The following IL31RA variants were observed in gnomAD, a reference collection of about 807,000 sequenced individuals.
The protein encoded by IL31RA is interleukin 31 receptor A.
IL31RA carries 66 observed loss-of-function variants against 83.7 expected under a neutral mutation model. The ratio of observed to expected loss-of-function variants is 0.79; its 90% CI spans 0.65 to 0.97. The LOEUF (loss-of-function observed/expected upper bound fraction) is 0.97. Among genes scored for constraint, IL31RA ranks in the 50% least tolerant of loss-of-function variants. The pLI, the probability that IL31RA is intolerant of heterozygous loss-of-function variation, is 0.00. For synonymous variants in IL31RA, 325 were observed against 329.0 expected (o/e 0.99, Z 0.13); for missense variants, 798 against 919.4 (o/e 0.87, Z 1.71).
At chr5:55,908,827 A>T in intron 11 of IL31RA, 1 of 1,387,934 alleles carries the variant, frequency 7.2e-7, no homozygotes, top group Non-Finnish European at 9.3e-7. Flanking sequence ...ATCTCCTGAC[A>T]TCTTAAATAC....
rs183837888 is a variant in IL31RA at position 55,870,762 on chromosome 5, G to T, written c.273-1508G>T. Among the ~76,000 whole-genome samples, 744 of 152,296 alleles carry T rather than the reference G, an allele frequency of 4.9e-3. 4 individuals carry two copies. The highest frequency in any genetic ancestry group is 8.7e-3 in the Non-Finnish European group (592 of 68,024). On this transcript the variant is annotated intron_variant, in intron 3 of 14. Transcript: ENST00000652347. ...AGCAAAGTGGAAGGGTTTCCCTGTG[G>T]ATGGCCTACCTGGGAGCACTTTTCA...
rs145909797 is a variant in IL31RA, at chr5:55,913,415, C to T, written c.1643-62C>T. On this transcript the variant is annotated intron_variant, in intron 12 of 14. Transcript: ENST00000652347. ...GAAGCTACTAGAAGAAAAAGTTAAT[C>T]ATTGATTTTTGTCAAGAAGGTGAGG... is the stretch of plus-strand genomic sequence containing the variant. 856 of 1,008,268 alleles carry T rather than the reference C, an allele frequency of 8.5e-4. 6 individuals carry two copies. The Middle Eastern group carries it at 0.012, about 15-fold the overall frequency. The allele number at this position is 1,008,268 out of a possible 1,614,324, so 62.5% of individuals were successfully genotyped here.
chr5:55,916,754 CT>C lies in IL31RA; in HGVS notation c.1932del (p.Phe644LeufsTer21). On this transcript the variant is annotated frameshift_variant, in exon 15 of 15. Transcript: ENST00000652347. LOFTEE classifies it low-confidence loss of function (END_TRUNC). ...KLVIDKLVVN[F>X]GNVLQEIFTD... ...TGGTGATTGACAAGTTGGTGGTGAACTTTGGGAATGTTCTGCAAGAAATTTT... is the reference window on the plus strand; with the variant it reads ...TGGTGATTGACAAGTTGGTGGTGAACTTGGGAATGTTCTGCAAGAAATTTT... 1 of 1,614,120 alleles carries C rather than the reference CT, an allele frequency of 6.2e-7. No homozygotes were observed. Among genetic ancestry groups the C allele is most frequent in the Non-Finnish European group, 8.5e-7 (1 of 1,180,016 alleles).
chr5:55,867,199 T>TGTGTGTTTG (rs1561543285), intron 2 of IL31RA, among the ~76,000 whole-genome samples: 3 of 106,672 alleles, frequency 2.8e-5, no homozygotes, highest in African/African-American at 4.3e-5. Context: ...TTGTGTGTGT[T>TGTGTGTTTG]TGTGTGTGTG....
At chr5:55,874,535 C>T (rs1177873815) in intron 4 of IL31RA, among the ~76,000 whole-genome samples, 18 of 152,008 alleles carry the variant, frequency 1.2e-4, no homozygotes, top group Non-Finnish European at 1.5e-5. Context: ...ATTTAGGCTG[C>T]CTTCAGTTTC....
chr5:55,909,602 A>T (rs1014056350), intron 11 of IL31RA, among the ~76,000 whole-genome samples: 1 of 151,932 alleles, frequency 6.6e-6, no homozygotes. Context: ...AAAAATTATT[A>T]TGGCTGTCCT....
chr5:55,895,809 T>C (rs1748297906), intron 6 of IL31RA, among the ~76,000 whole-genome samples: 1 of 152,246 alleles, frequency 6.6e-6, no homozygotes, highest in Admixed American at 6.5e-5. Context: ...GTGATTCTTT[T>C]TTATTTTGGG....
chr5:55,922,442 A>G lies in IL31RA; in HGVS notation c.*5322A>G. On this transcript the variant is annotated 3_prime_UTR_variant, in exon 15 of 15. Transcript: ENST00000652347. ...CCCAACTTCAATATAAGTGTGGACT[A>G]AAATGCGAGAAAGGTGTCCTGTGGT... 6.5e-7 allele frequency: 1 copy of G among 1,549,486 alleles called. No homozygotes were observed. The highest frequency in any genetic ancestry group is 1.2e-5 in the South Asian group (1 of 84,004).
chr5:55,853,057 T>G (rs1202194338), intron 1 of IL31RA, among the ~76,000 whole-genome samples: 1 of 152,214 alleles, frequency 6.6e-6, no homozygotes, highest in Non-Finnish European at 1.5e-5. Context: ...TAGACGTAAA[T>G]AAGAATTTGT....
intron 2 of IL31RA, among the ~76,000 whole-genome samples, chr5:55,868,235 G>C (rs570658534): frequency 6.6e-6 from 1 of 152,216 alleles, no homozygotes; most frequent in South Asian, 2.1e-4. Flanking sequence ...TGTTCTAGAT[G>C]GTAGTATCTG....
intron 2 of IL31RA, among the ~76,000 whole-genome samples, chr5:55,863,866 T>C (rs1745838997): frequency 6.6e-6 from 1 of 152,168 alleles, no homozygotes. Context: ...TGGCTTCTCA[T>C]ATATGTTAAC....
chr5:55,868,478 C>T (rs913606525), intron 2 of IL31RA, among the ~76,000 whole-genome samples: 2 of 152,118 alleles, frequency 1.3e-5, no homozygotes, highest in Non-Finnish European at 2.9e-5. Context: ...TGATGCTTTA[C>T]TGAGTATATC....
At chr5:55,908,539 T>C (rs1032062075) in intron 11 of IL31RA, 128 bp downstream of exon 11, 1 of 1,586,630 alleles carries the variant, frequency 6.3e-7, no homozygotes, top group East Asian at 2.3e-5. Flanking sequence ...ACTTAGCTTC[T>C]TTAAATCTCT....
intron 2 of IL31RA, among the ~76,000 whole-genome samples, chr5:55,867,122 TTTGTGTGTGTGTGC>T (rs1746121527): frequency 5.4e-5 from 7 of 130,838 alleles, no homozygotes; most frequent in Non-Finnish European, 8.4e-5. Flanking sequence ...CATGTGTGTG[TTTGTGTGTGTGTGC>T]ATGTGTGTGT....
chr5:55,865,441 A>G (rs773214935), intron 2 of IL31RA, among the ~76,000 whole-genome samples: 6 of 152,186 alleles, frequency 3.9e-5, no homozygotes, highest in South Asian at 2.1e-4. Flanking sequence ...TGTCATTCTC[A>G]GTGGCTCCTT....
intron 12 of IL31RA, 84 bp from the exon 13 acceptor site, chr5:55,913,393 G>A: frequency 1.2e-6 from 1 of 854,474 alleles, no homozygotes; most frequent in Non-Finnish European, 2.0e-6. Context: ...TGTTGCTGAA[G>A]CTACTAGAAG....
At position 55,896,362 on chromosome 5, in the gene IL31RA, TG is replaced by T; in HGVS notation, c.787del (p.Glu263AsnfsTer6). On this transcript the variant is annotated frameshift_variant, in exon 7 of 15. Coordinates refer to ENST00000652347, the MANE Select transcript of IL31RA (RefSeq NM_139017.7). LOFTEE classifies it high-confidence loss of function. ...TTGTTCCTTACAGCTCCATGTGGCC[TG>T]GAACTGTGGAGAGTCCTGAAACCAG... is the stretch of plus-strand genomic sequence containing the variant. The part of the protein sequence containing the change: ...GMTEEEAPCG[L>X]ELWRVLKPAE... 2 of 1,612,854 alleles carry T rather than the reference TG, an allele frequency of 1.2e-6. No individual in the cohort carries two copies. The highest frequency in any genetic ancestry group is 1.7e-6 in the Non-Finnish European group (2 of 1,178,896).
Position 55,900,121 on chromosome 5 carries a change from T to C in IL31RA, c.1058T>C (p.Ile353Thr). Residue 353 changes from isoleucine to threonine, a missense_variant, in exon 8 of 15, where the codon ATT becomes ACT. Transcript: ENST00000652347. ...SPVATLRIPA[I>T]QEKSFQCIEV... ...GTGGCCACCCTGAGGATTCCAGCTA[T>C]TCAAGAAAAATGTAAGTAGAGCATC... 6.2e-7 allele frequency: 1 copy of C among 1,612,446 alleles called. No individual in the cohort carries two copies. The highest frequency in any genetic ancestry group is 1.1e-5 in the South Asian group (1 of 91,032).
chr5:55,847,713 A>T (rs1009669879), upstream of IL31RA, among the ~76,000 whole-genome samples: 1 of 152,214 alleles, frequency 6.6e-6, no homozygotes, highest in East Asian at 1.9e-4. Flanking sequence ...GTACATTACT[A>T]TTAGCCAAAC....
Sources: gnomAD v4.1 joint callset for allele counts (sites outside exome capture counted in the v4.1 genomes callset) on GRCh38, gnomAD v4.1.1 for gene constraint, MANE v1.5 for transcripts, NCBI Gene and HGNC (gene_info 2026-07-23, HGNC 2026-07-21) for gene names.